Variants in MEPE observed in about 807,000 individuals in gnomAD.
MEPE encodes matrix, extracellular phosphoglycoprotein with ASARM motif (bone).
In MEPE, 7 loss-of-function variants were observed where a neutral mutation model predicts 7.3. The ratio of observed to expected loss-of-function variants is 0.95; its 90% confidence interval spans 0.54 to 1.79. MEPE has a LOEUF of 1.79. Ranked by LOEUF, MEPE falls within the 40% of genes most tolerant of loss-of-function variation. The pLI is 0.00. For missense variants in MEPE, 623 were observed against 628.2 expected, an observed-to-expected ratio of 0.99 and a Z score of 0.09; for synonymous variants, 214 against 213.1, an observed-to-expected ratio of 1.00 and a Z score of -0.04.
chr4:87,843,140 A>C (rs1723079894), intron 3 of MEPE, among the ~76,000 whole-genome samples: 1 of 152,090 alleles, frequency 6.6e-6, no homozygotes, highest in Non-Finnish European at 1.5e-5. Flanking sequence ...CTTTGGCGTA[A>C]TCCTAATCCA....
chr4:87,830,233 T>C (rs1722566061), upstream of MEPE, among the ~76,000 whole-genome samples: 1 of 152,268 alleles, frequency 6.6e-6, no homozygotes, highest in Admixed American at 6.5e-5. Context: ...ACTGGGTATA[T>C]ACCCGGAGGA....
In MEPE at chr4:87,821,658, G is replaced by T. The variant is rs142306290; in HGVS notation, c.-13+187G>T. 2.6e-5 allele frequency among the ~76,000 whole-genome samples: 4 copies of T among 152,292 alleles called. No homozygotes were observed. In the East Asian group the frequency reaches 7.7e-4, roughly 29 times the overall value. On this transcript the variant is annotated intron_variant, in intron 1 of 3. Coordinates refer to the MEPE transcript ENST00000424957. ...TGTTGCTGCTTTGTGGAAATGAAAA[G>T]AAAATCCTGAATGATACTTGTTATT...
chr4:87,838,267 C>T (rs1477418714), intron 2 of MEPE, among the ~76,000 whole-genome samples: 1 of 152,096 alleles, frequency 6.6e-6, no homozygotes, highest in Non-Finnish European at 1.5e-5. Context: ...TTAACAACTC[C>T]CAGTTTGCCA....
In MEPE at chr4:87,846,784, CGAT is replaced by C. The variant is rs1560546111; in HGVS notation, c.*342_*344del. 9.9e-6 allele frequency: 2 copies of C among 201,798 alleles called. No homozygotes were observed. Among genetic ancestry groups the C allele is most frequent in the Admixed American group, 1.1e-4 (2 of 18,310 alleles). 12.5% of individuals were successfully genotyped at this position (201,798 alleles called of 1,614,324 possible). A position where few individuals can be genotyped will look rare whatever the true frequency, so the allele number is the denominator to read the frequency against. ...AGACATGAAAATAAACAATATCTCT[CGAT>C]GATAATTTGTATTAAGTAATCTATA... On this transcript the variant is annotated 3_prime_UTR_variant, in exon 4 of 4. Coordinates refer to ENST00000361056, the MANE Select transcript of MEPE (RefSeq NM_020203.6).
At chr4:87,841,076 C>T (rs1722996772) in intron 3 of MEPE, among the ~76,000 whole-genome samples, 1 of 152,186 alleles carries the variant, frequency 6.6e-6, no homozygotes, top group Non-Finnish European at 1.5e-5. Context: ...TTATTCTACT[C>T]AGTCTTCTAA....
At chr4:87,839,936 G>C (rs1221690628) in intron 3 of MEPE, 3 of 1,536,066 alleles carry the variant, frequency 2.0e-6, no homozygotes, top group Non-Finnish European at 1.7e-6. Flanking sequence ...GGCTCCTCAA[G>C]CCTCTCTACT....
chr4:87,841,312 A>G (rs1723005727), intron 3 of MEPE, among the ~76,000 whole-genome samples: 2 of 152,214 alleles, frequency 1.3e-5, no homozygotes, highest in Admixed American at 1.3e-4. Flanking sequence ...ATGTCCAAGT[A>G]AAACTTTCCA....
intron 1 of MEPE, among the ~76,000 whole-genome samples, chr4:87,827,137 G>A (rs1722490621): frequency 6.6e-6 from 1 of 152,172 alleles, no homozygotes; most frequent in Non-Finnish European, 1.5e-5. Flanking sequence ...CAAGTTTTGG[G>A]ATGACTCTTG....
At chr4:87,834,800 A>G (rs1251524024) in intron 2 of MEPE, 32 bp downstream of exon 2, 1 of 1,577,948 alleles carries the variant, frequency 6.3e-7, no homozygotes, top group South Asian at 1.1e-5. Context: ...TATATTTCAG[A>G]TAATCTCTTG....
chr4:87,828,909 C>CTTTGT (rs911816337), upstream of MEPE, among the ~76,000 whole-genome samples: 1 of 152,034 alleles, frequency 6.6e-6, no homozygotes, highest in African/African-American at 2.4e-5. Flanking sequence ...TCCCATTTTT[C>CTTTGT]TTTGTTTTGT....
At chr4:87,827,211 C>T (rs1353774158) in intron 1 of MEPE, among the ~76,000 whole-genome samples, 6 of 152,126 alleles carry the variant, frequency 3.9e-5, no homozygotes, top group Admixed American at 3.9e-4. Flanking sequence ...TGAGCCAAGT[C>T]AACACACAGA....
At chr4:87,829,570 C>T (rs926611844), upstream of MEPE, among the ~76,000 whole-genome samples, 1 of 152,074 alleles carries the variant, frequency 6.6e-6, no homozygotes, top group African/African-American at 2.4e-5. Context: ...AGGCACATAT[C>T]AAGTGTTTGC....
intron 2 of MEPE, chr4:87,837,515 G>A (rs1458906636): frequency 6.6e-6 from 1 of 152,240 alleles, no homozygotes; most frequent in Non-Finnish European, 1.5e-5. Context: ...GCAACAACCT[G>A]TCTGTATTAA....
chr4:87,827,833 T>G (rs1389756066), intron 1 of MEPE, among the ~76,000 whole-genome samples: 1 of 152,244 alleles, frequency 6.6e-6, no homozygotes, highest in African/African-American at 2.4e-5. Context: ...GCTAACTTCA[T>G]GCTCTGCTGT....
intron 1 of MEPE, 85 bp from the exon 2 acceptor site, chr4:87,834,618 A>G (rs907787466): frequency 3.0e-6 from 3 of 1,013,958 alleles, no homozygotes; most frequent in Non-Finnish European, 4.5e-6. Flanking sequence ...GGGTGTTTAT[A>G]TATTCCTATG....
At chr4:87,837,557 A>G (rs902187760) in intron 2 of MEPE, 2 of 152,226 alleles carry the variant, frequency 1.3e-5, no homozygotes, top group Non-Finnish European at 2.9e-5. Flanking sequence ...CTTCTTCAGG[A>G]AGAACACTTT....
upstream of MEPE, among the ~76,000 whole-genome samples, chr4:87,832,165 T>C (rs1722616571): frequency 6.6e-6 from 1 of 151,980 alleles, no homozygotes; most frequent in Non-Finnish European, 1.5e-5. Context: ...TTTTATAAGG[T>C]CATTAATCCC....
At position 87,845,082 on chromosome 4, in the gene MEPE, T is replaced by G; in HGVS notation, c.214T>G (p.Leu72Val). The G allele has an allele frequency of 6.2e-7, 1 of 1,613,650 alleles. No homozygotes were observed. Among genetic ancestry groups the G allele is most frequent in the Non-Finnish European group, 8.5e-7 (1 of 1,179,752 alleles). ...ENIVQERKKD[L>V]SLSEASENKG... ...TATTGTCCAGGAAAGAAAGAAAGAT[T>G]TGTCCCTTTCTGAAGCCAGTGAGAA... The change falls in exon 4 of 4, where the codon TTG becomes GTG. Residue 72 changes from leucine to valine, a missense_variant. By Grantham distance (32) the Leu-to-Val change is conservative. Coordinates refer to ENST00000361056, the MANE Select transcript of MEPE (RefSeq NM_020203.6).
At chr4:87,835,183 A>G (rs1722737043) in intron 2 of MEPE, among the ~76,000 whole-genome samples, 1 of 152,238 alleles carries the variant, frequency 6.6e-6, no homozygotes, top group Non-Finnish European at 1.5e-5. Context: ...AATAGATAAA[A>G]ATGCAAAGAG....
Sources: gnomAD v4.1 joint callset for allele counts (sites outside exome capture counted in the v4.1 genomes callset) on GRCh38, gnomAD v4.1.1 for gene constraint, MANE v1.5 for transcripts, NCBI Gene and HGNC (gene_info 2026-07-23, HGNC 2026-07-21) for gene names.